C1QTNF1: variants seen among roughly 807,000 people sequenced by gnomAD.
C1QTNF1 encodes the protein C1q and TNF related 1, also known as complement C1q tumor necrosis factor-related protein 1.
Under a neutral mutation model 27.8 loss-of-function variants are expected in C1QTNF1, and 22 were observed. The ratio of observed to expected loss-of-function variants is 0.79; its 90% CI spans 0.56 to 1.13. The LOEUF (loss-of-function observed/expected upper bound fraction) is 1.13. Among genes scored for constraint, C1QTNF1 ranks in the 50% most tolerant of loss-of-function variants. C1QTNF1 has a pLI of 0.00. For missense variants in C1QTNF1, 373 were observed against 380.2 expected, an observed-to-expected ratio of 0.98 and a Z score of 0.16; for synonymous variants, 166 against 154.3, an observed-to-expected ratio of 1.08 and a Z score of -0.56.
At chr17:79,026,906 GTTC>G (rs2071979411) in intron 1 of C1QTNF1, among the ~76,000 whole-genome samples, 2 of 152,226 alleles carry the variant, frequency 1.3e-5, no homozygotes, top group South Asian at 2.1e-4. Flanking sequence ...GCTCCTTTCT[GTTC>G]TTCTTCCTGG....
intron 3 of C1QTNF1, chr17:79,047,242 T>TC (rs892581679): frequency 1.2e-5 from 4 of 340,378 alleles, no homozygotes; most frequent in African/African-American, 6.4e-5. Flanking sequence ...TCTTTTCTTT[T>TC]TTTTTTTTTT....
chr17:79,030,624 G>C (rs1599283210), intron 1 of C1QTNF1, among the ~76,000 whole-genome samples: 1 of 147,174 alleles, frequency 6.8e-6, no homozygotes, highest in Non-Finnish European at 1.5e-5. Flanking sequence ...TTTTGAGACA[G>C]AGTCTTGCTA....
chr17:79,044,419 A>G (rs1209354132), intron 2 of C1QTNF1, among the ~76,000 whole-genome samples: 1 of 152,130 alleles, frequency 6.6e-6, no homozygotes, highest in Non-Finnish European at 1.5e-5. Context: ...CAAGCTCCCA[A>G]CCTGCCCTCC....
chr17:79,024,110 C>T (rs937142567), upstream of C1QTNF1: 2 of 152,106 alleles, frequency 1.3e-5, no homozygotes, highest in African/African-American at 4.8e-5. Flanking sequence ...CACGGTTAAT[C>T]CTCCGCGGCT....
chr17:79,041,770 CAA>C (rs56962929), intron 1 of C1QTNF1: 14 of 77,804 alleles, frequency 1.8e-4, no homozygotes, highest in East Asian at 4.0e-4. Context: ...GACTCCATCT[CAA>C]AAAAAAAAAA....
At chr17:79,023,805 A>T (rs1237564914), upstream of C1QTNF1, among the ~76,000 whole-genome samples, 1 of 152,162 alleles carries the variant, frequency 6.6e-6, no homozygotes, top group East Asian at 1.9e-4. Flanking sequence ...GATAATGCAC[A>T]GGGCGTCTCA....
Position 79,047,688 on chromosome 17 carries a change from C to T in C1QTNF1, c.446C>T (p.Ser149Leu), listed in dbSNP as rs138895924. The change falls in exon 4 of 4, where the codon TCG becomes TTG. Residue 149 changes from serine to leucine, a missense_variant. Ser to Leu is a moderately radical substitution (Grantham distance 145). Transcript: ENST00000579760. ...TGCAAGAGCCACTACGCCGCCTTTT[C>T]GGTGGGCCGGAAGAAGCCCATGCAC... ...ERCKSHYAAF[S>L]VGRKKPMHSN... 6 of 1,614,064 alleles carry T rather than the reference C, an allele frequency of 3.7e-6. No individual in the cohort carries two copies. The highest frequency in any genetic ancestry group is 4.5e-5 in the East Asian group (2 of 44,880).
chr17:79,026,585 C>T (rs59047978), intron 1 of C1QTNF1, among the ~76,000 whole-genome samples: 1,946 of 152,334 alleles, frequency 0.013, 50 homozygotes, highest in African/African-American at 0.043. Context: ...GACACAGGTC[C>T]GCTACCCAGG....
chr17:79,048,082 G>T lies in C1QTNF1; in HGVS notation c.840G>T (p.Glu280Asp). 1 of 1,550,210 alleles carries T rather than the reference G, an allele frequency of 6.5e-7. No individual in the cohort carries two copies. The highest frequency in any genetic ancestry group is 8.7e-7 in the Non-Finnish European group (1 of 1,153,310). The change falls in exon 4 of 4, where the codon GAG becomes GAT. Residue 280 changes from glutamate to aspartate, a missense_variant. Physicochemically the swap from Glu to Asp is conservative, Grantham distance 45. Transcript: ENST00000579760. ...GCTACCTGGTCAAGCACGCCACCGA[G>T]CCCTAGCTGGCCGGCCACCTCCTTT... ...FSGYLVKHAT[E>D]P
chr17:79,032,914 A>G (rs1204906990), intron 1 of C1QTNF1, among the ~76,000 whole-genome samples: 2 of 152,016 alleles, frequency 1.3e-5, no homozygotes, highest in African/African-American at 4.8e-5. Flanking sequence ...CTAAAAATAC[A>G]AAAATTAGCT....
intron 3 of C1QTNF1, chr17:79,047,224 CT>C: frequency 6.1e-6 from 2 of 330,128 alleles, no homozygotes; most frequent in East Asian, 4.6e-5. Context: ...GTTCCATTTT[CT>C]TTTTTTTCTT....
chr17:79,046,722 G>A lies in C1QTNF1; in HGVS notation c.295+28G>A. 6.2e-7 allele frequency: 1 copy of A among 1,613,756 alleles called. No individual in the cohort carries two copies. Among genetic ancestry groups the A allele is most frequent in the Non-Finnish European group, 8.5e-7 (1 of 1,179,844 alleles). On this transcript the variant is annotated intron_variant, in intron 3 of 3. Coordinates refer to ENST00000579760, the MANE Select transcript of C1QTNF1 (RefSeq NM_030968.5). This position sits in a 1 kb window ranked among gnomAD's most constrained non-coding sequence, Gnocchi z 4.8. ...CAGATGGCTGCAAAGACAAGCACGG[G>A]GTGGCCGGGCTGCTCTGTGCTGATC...
At chr17:79,040,549 A>G (rs1158005128) in intron 1 of C1QTNF1, among the ~76,000 whole-genome samples, 1 of 151,978 alleles carries the variant, frequency 6.6e-6, no homozygotes, top group East Asian at 1.9e-4. Flanking sequence ...GCAGGATTTT[A>G]TTGTCATCTG....
chr17:79,030,432 A>C (rs1215673499), intron 1 of C1QTNF1, among the ~76,000 whole-genome samples: 2 of 139,526 alleles, frequency 1.4e-5, no homozygotes, highest in Non-Finnish European at 3.2e-5. Context: ...TGCTTTACAA[A>C]CTTTCTCTCT....
chr17:79,041,878 C>G (rs765133771), intron 1 of C1QTNF1: 1 of 151,736 alleles, frequency 6.6e-6, no homozygotes, highest in African/African-American at 2.4e-5. Context: ...ATGAGTAAGA[C>G]GTCGCGGTCA....
At chr17:79,045,431 G>T (rs2072542682) in intron 2 of C1QTNF1, among the ~76,000 whole-genome samples, 1 of 152,206 alleles carries the variant, frequency 6.6e-6, no homozygotes, top group South Asian at 2.1e-4. Context: ...GTTCTCGGAA[G>T]AATGCCAGAG....
rs117121634 is a variant in C1QTNF1, at chr17:79,033,695, C to T, written c.-15+9201C>T. Among the ~76,000 whole-genome samples the T allele has an allele frequency of 8.1e-3, 1,228 of 151,726 alleles. 8 individuals carry two copies. Among genetic ancestry groups the T allele is most frequent in the Non-Finnish European group, 0.014 (938 of 67,922 alleles). On this transcript the variant is annotated intron_variant, in intron 1 of 3. Transcript: ENST00000579760. ...CACTCCAGCCTGGGTGACAGGAGAC[C>T]CTGTCTCCTAAATAAATAAATAAAT... is the stretch of plus-strand genomic sequence containing the variant.
rs142345986 is a variant in C1QTNF1, at chr17:79,045,426, C to T, written c.156-1129C>T. Among the ~76,000 whole-genome samples, 389 of 152,190 alleles carry T rather than the reference C, an allele frequency of 2.6e-3. 2 individuals carry two copies. Among genetic ancestry groups the T allele is most frequent in the African/African-American group, 8.7e-3 (362 of 41,518 alleles). On this transcript the variant is annotated intron_variant, in intron 2 of 3. Coordinates refer to ENST00000579760, the MANE Select transcript of C1QTNF1 (RefSeq NM_030968.5). The stretch of plus-strand genomic sequence containing the variant: ...GAAAGCTTGAATTGGACGGTGTTCT[C>T]GGAAGAATGCCAGAGGGAGGCAGCA...
chr17:79,040,730 C>CAAA (rs60302649), intron 1 of C1QTNF1, among the ~76,000 whole-genome samples: 1,192 of 51,426 alleles, frequency 0.023, 26 homozygotes, highest in African/African-American at 0.055. Flanking sequence ...TTTGTCTCTA[C>CAAA]AAAAAAAAAA....
Sources: allele counts gnomAD v4.1 joint callset (sites outside exome capture counted in the v4.1 genomes callset), GRCh38; gene constraint gnomAD v4.1.1; non-coding constraint Gnocchi (gnomAD v3.1); transcripts MANE v1.5; gene names NCBI Gene and HGNC (gene_info 2026-07-23, HGNC 2026-07-21).